DNAH1: variants seen among roughly 807,000 people sequenced by gnomAD.
DNAH1 encodes the protein axonemal beta dynein heavy chain 1.
In DNAH1, 327 loss-of-function variants were observed where a neutral mutation model predicts 484.3. The ratio of observed to expected loss-of-function variants is 0.68; its 90% confidence interval spans 0.62 to 0.74. The LOEUF is 0.74. Among genes scored for constraint, DNAH1 ranks in the 30% least tolerant of loss-of-function variants. The probability of loss-of-function intolerance (pLI) is 0.00; values close to 1 mark genes in which losing one functional copy is unlikely to be tolerated. For synonymous variants in DNAH1, 2,192 were observed against 2,191.9 expected (o/e 1.00, Z 0.00); for missense variants, 5,052 against 5,546.8 (o/e 0.91, Z 2.83).
chr3:52,386,183 G>T lies in DNAH1; in HGVS notation c.8649G>T (p.Glu2883Asp). 1 of 1,613,580 alleles carries T rather than the reference G, an allele frequency of 6.2e-7. No individual in the cohort carries two copies. The highest frequency in any genetic ancestry group is 8.5e-7 in the Non-Finnish European group (1 of 1,179,700). Residue 2883 changes from glutamate to aspartate, a missense_variant, in exon 55 of 78, where the codon GAG becomes GAT. Physicochemically the swap from Glu to Asp is conservative, Grantham distance 45 (BLOSUM62 2). Transcript: ENST00000420323. ...AGGTGGATACGGCCATCGCCGAGGA[G>T]ACCCGGAATTCAGTGCAGACAGAGG... ...QIKVDTAIAE[E>D]TRNSVQTEEI...
chr3:52,351,904 G>GC, intron 16 of DNAH1, 58 bp from the exon 17 acceptor site: 1 of 1,562,506 alleles, frequency 6.4e-7, no homozygotes, highest in Non-Finnish European at 8.7e-7. Context: ...GCCTGGTCTT[G>GC]CCACTCCACC....
At chr3:52,329,556 G>C (rs1701467424) in intron 6 of DNAH1, among the ~76,000 whole-genome samples, 1 of 152,218 alleles carries the variant, frequency 6.6e-6, no homozygotes, top group East Asian at 1.9e-4. Flanking sequence ...GGCCAGGCGT[G>C]GTGGCTCATG....
intron 46 of DNAH1, 121 bp from the exon 47 acceptor site, chr3:52,378,481 G>C: frequency 1.8e-6 from 2 of 1,108,788 alleles, no homozygotes. Context: ...ATCCAAGCCT[G>C]AAGGCTGGGG....
chr3:52,383,679 C>T lies in DNAH1; in HGVS notation c.8150+85C>T, dbSNP rs924943645. On this transcript the variant is annotated intron_variant, in intron 51 of 77. Transcript: ENST00000420323. ...GGCCCCGGGGACACTGGATGCCATG[C>T]GCTGGGGCCTGAGATGAGGAGACGC... 1.0e-5 allele frequency: 15 copies of T among 1,441,288 alleles called. No homozygotes were observed. In the African/African-American group the frequency reaches 1.3e-4, roughly 12 times the overall value. 89.3% of individuals were successfully genotyped at this position (1,441,288 alleles called of 1,614,324 possible). A position where few individuals can be genotyped will look rare whatever the true frequency, so the allele number is the denominator to read the frequency against.
intron 11 of DNAH1, among the ~76,000 whole-genome samples, chr3:52,347,099 C>G (rs534532345): frequency 6.6e-6 from 1 of 152,232 alleles, no homozygotes; most frequent in Non-Finnish European, 1.5e-5. Flanking sequence ...CAGATAAATA[C>G]ATACACACAG....
chr3:52,356,881 G>T, intron 22 of DNAH1, 103 bp downstream of exon 22: 2 of 1,390,348 alleles, frequency 1.4e-6, no homozygotes, highest in South Asian at 2.8e-5. Context: ...GAAAAGGCTG[G>T]TGGACAAGCC....
In DNAH1 at chr3:52,383,975, G is replaced by A. The variant is rs61749019; in HGVS notation, c.8266G>A (p.Val2756Met). The A allele has an allele frequency of 5.6e-3, 9,010 of 1,611,248 alleles. 69 individuals are homozygous for A. Among genetic ancestry groups the A allele is most frequent in the South Asian group, 0.023 (2,102 of 90,470 alleles). Residue 2756 changes from valine to methionine, a missense_variant, in exon 52 of 78, where the codon GTG becomes ATG. Val to Met is a conservative substitution (Grantham distance 21, BLOSUM62 1). This residue lies in a region of DNAH1 where 2,929 missense variants were observed against 3,409.4 expected (regional missense o/e 0.86). Coordinates refer to ENST00000420323, the MANE Select transcript of DNAH1 (RefSeq NM_015512.5). ...AGAAGCCCTGAAGTCTGTGGCCACC[G>A]TGTTCCTCAATGAGATCCCAGAACT... ...PAEALKSVAT[V>M]FLNEIPELES...
intron 42 of DNAH1, 47 bp from the exon 43 acceptor site, chr3:52,372,180 G>A (rs1317850394): frequency 5.6e-6 from 9 of 1,611,396 alleles, no homozygotes; most frequent in Non-Finnish European, 7.6e-6. Flanking sequence ...AGCTCCTCCT[G>A]TGCACCAGGC....
At chr3:52,387,319 C>T (rs1037602388) in intron 56 of DNAH1, among the ~76,000 whole-genome samples, 1 of 152,168 alleles carries the variant, frequency 6.6e-6, no homozygotes, top group Non-Finnish European at 1.5e-5. Flanking sequence ...CTCTGGGTTT[C>T]TCTGTCCATC....
rs368666999 is a variant in DNAH1, at chr3:52,383,623, G to A, written c.8150+29G>A. The A allele has an allele frequency of 1.2e-4, 184 of 1,529,274 alleles. No homozygotes were observed. The African/African-American group carries it at 2.2e-3, about 18-fold the overall frequency. The allele number at this position is 1,529,274 out of a possible 1,614,324, so 94.7% of individuals were successfully genotyped here. On this transcript the variant is annotated intron_variant, in intron 51 of 77. Coordinates refer to ENST00000420323, the MANE Select transcript of DNAH1 (RefSeq NM_015512.5). ...CAGGCAGCTGTCGCCAGGCTGCGCT[G>A]GGGCAGCGGAGCTGGGTGTGTACAT...
At chr3:52,325,496 C>T (rs1296629340) in intron 3 of DNAH1, among the ~76,000 whole-genome samples, 1 of 152,220 alleles carries the variant, frequency 6.6e-6, no homozygotes, top group Non-Finnish European at 1.5e-5. Context: ...GGACTTTCTT[C>T]TCCATTGATT....
In DNAH1 at chr3:52,379,839, G is replaced by C; in HGVS notation, c.7378-66G>C. ...AACTGGGGCCCACCCTCCCTTGCCTGGTGGTTTGAGAGATAGCTGAGGGCT... is the reference window on the plus strand; with the variant it reads ...AACTGGGGCCCACCCTCCCTTGCCTCGTGGTTTGAGAGATAGCTGAGGGCT... On this transcript the variant is annotated intron_variant, in intron 47 of 77. Coordinates refer to ENST00000420323, the MANE Select transcript of DNAH1 (RefSeq NM_015512.5). This position sits in a 1 kb window ranked among gnomAD's most constrained non-coding sequence, Gnocchi z 4.4. The C allele has an allele frequency of 2.1e-6, 3 of 1,420,740 alleles. No individual in the cohort carries two copies. The highest frequency in any genetic ancestry group is 2.9e-6 in the Non-Finnish European group (3 of 1,046,058). The allele number at this position is 1,420,740 out of a possible 1,614,324, so 88.0% of individuals were successfully genotyped here.
At position 52,385,496 on chromosome 3, in the gene DNAH1, C is replaced by T. The variant is rs372688047; in HGVS notation, c.8625+49C>T. ...CCCAATGCCTGACTCTGAGGAAGCT[C>T]GGCACCCCCACACAGGCGCAGGCTC... is the stretch of plus-strand genomic sequence containing the variant. On this transcript the variant is annotated intron_variant, in intron 54 of 77. Coordinates refer to ENST00000420323, the MANE Select transcript of DNAH1 (RefSeq NM_015512.5). The T allele has an allele frequency of 2.2e-4, 333 of 1,485,380 alleles. 3 individuals are homozygous for T. The East Asian group carries it at 4.1e-3, about 18-fold the overall frequency. The allele number at this position is 1,485,380 out of a possible 1,614,324, so 92.0% of individuals were successfully genotyped here.
chr3:52,400,000 C>T (rs1442814971), intron 77 of DNAH1, among the ~76,000 whole-genome samples: 1 of 152,240 alleles, frequency 6.6e-6, no homozygotes, highest in Non-Finnish European at 1.5e-5. Flanking sequence ...AGCAGGCCCA[C>T]CTTGGGCCCC....
rs757081262 is a variant in DNAH1, at chr3:52,378,789, C to T, written c.7377+9C>T. Reference sequence around the variant, plus strand: ...ACCCGGCCAAGGTCGAGGTGAGGACCAGGCAGGCACCCTCCCCAGTGCCCA... The same window carrying T: ...ACCCGGCCAAGGTCGAGGTGAGGACTAGGCAGGCACCCTCCCCAGTGCCCA... On this transcript the variant is annotated intron_variant, in intron 47 of 77. Coordinates refer to ENST00000420323, the MANE Select transcript of DNAH1 (RefSeq NM_015512.5). 1.9e-6 allele frequency: 3 copies of T among 1,613,316 alleles called. No homozygotes were observed. Among genetic ancestry groups the T allele is most frequent in the African/African-American group, 1.3e-5 (1 of 75,030 alleles).
chr3:52,374,945 T>G (rs1703518793), intron 44 of DNAH1: 1 of 450,516 alleles, frequency 2.2e-6, no homozygotes, highest in Admixed American at 4.2e-5. Context: ...TTTTATAAGA[T>G]AGGACTATGT....
intron 44 of DNAH1, among the ~76,000 whole-genome samples, chr3:52,373,316 G>T (rs1370932483): frequency 6.6e-6 from 1 of 152,060 alleles, no homozygotes; most frequent in Non-Finnish European, 1.5e-5. Flanking sequence ...GGTGGTGGCC[G>T]CGGGGGCGCG....
intron 6 of DNAH1, 24 bp downstream of exon 6, chr3:52,328,038 G>C: frequency 6.2e-7 from 1 of 1,609,944 alleles, no homozygotes; most frequent in Non-Finnish European, 8.5e-7. Flanking sequence ...CTCTGGAGTG[G>C]GGACACTATC....
chr3:52,353,673 C>T lies in DNAH1; in HGVS notation c.3480+40C>T. ...GCGGGCCCAGCCACTCCAGCCAGGC[C>T]CTGCCGGACAGCCTGACCTCCTGCT... On this transcript the variant is annotated intron_variant, in intron 20 of 77. Coordinates refer to ENST00000420323, the MANE Select transcript of DNAH1 (RefSeq NM_015512.5). The surrounding 1 kb of genome is among the most constrained non-coding windows in gnomAD (Gnocchi z 5.0). The T allele has an allele frequency of 1.3e-6, 2 of 1,556,450 alleles. No homozygotes were observed. Among genetic ancestry groups the T allele is most frequent in the Non-Finnish European group, 1.7e-6 (2 of 1,152,356 alleles).
Sources: gnomAD v4.1 joint callset for allele counts (sites outside exome capture counted in the v4.1 genomes callset) on GRCh38, gnomAD v4.1.1 for gene constraint, gnomAD v4.1.1 regional missense constraint, Gnocchi (gnomAD v3.1) non-coding constraint, MANE v1.5 for transcripts, NCBI Gene and HGNC (gene_info 2026-07-23, HGNC 2026-07-21) for gene names.